Variants in TRMT11 observed in about 807,000 individuals in gnomAD.
The protein encoded by TRMT11 is tRNA methyltransferase 11, also known as tRNA (guanine(10)-N(2))-methyltransferase TRMT11.
Under a neutral mutation model 62.8 loss-of-function variants are expected in TRMT11, and 53 were observed. The ratio of observed to expected loss-of-function variants is 0.84; its 90% CI spans 0.68 to 1.06. TRMT11 has a LOEUF of 1.06. Among genes scored for constraint, TRMT11 ranks in the 50% least tolerant of loss-of-function variants. The pLI is 0.00. For missense variants in TRMT11, 556 were observed against 553.4 expected, an observed-to-expected ratio of 1.00 and a Z score of -0.05; for synonymous variants, 188 against 190.3, an observed-to-expected ratio of 0.99 and a Z score of 0.10.
chr6:126,057,564 A>C (rs2128120915), intron 17 of TRMT11, among the ~76,000 whole-genome samples: 1 of 152,340 alleles, frequency 6.6e-6, no homozygotes, highest in East Asian at 1.9e-4. Flanking sequence ...AGGAGAAATC[A>C]TTCTGTCCAA....
intron 1 of TRMT11, among the ~76,000 whole-genome samples, chr6:125,987,537 T>G (rs1789860108): frequency 6.6e-6 from 1 of 152,084 alleles, no homozygotes. Flanking sequence ...CAAAATTAAA[T>G]CAGTTTGACA....
At chr6:126,081,048 A>G (rs1401742777) in intron 17 of TRMT11, among the ~76,000 whole-genome samples, 1 of 152,194 alleles carries the variant, frequency 6.6e-6, no homozygotes, top group Admixed American at 6.5e-5. Flanking sequence ...CTTGAAATGT[A>G]CTGGGTGATA....
At chr6:126,213,672 T>C in the TRMT11 span, among the ~76,000 whole-genome samples, 1 of 152,012 alleles carries the variant, frequency 6.6e-6, no homozygotes, top group African/African-American at 2.4e-5. Context: ...TTTCCAAATG[T>C]GCAGACCTTA....
At chr6:126,233,049 T>C in the TRMT11 span, among the ~76,000 whole-genome samples, 4 of 152,318 alleles carry the variant, frequency 2.6e-5, no homozygotes, top group African/African-American at 9.6e-5. Flanking sequence ...TTTTTGTTTC[T>C]CTGAATAGAG....
the TRMT11 span, among the ~76,000 whole-genome samples, chr6:126,224,668 C>T: frequency 6.6e-6 from 1 of 152,198 alleles, no homozygotes; most frequent in Non-Finnish European, 1.5e-5. Flanking sequence ...CACACATGTG[C>T]GTGCCCTGGT....
At chr6:126,139,826 T>C (rs1777896377) in intron 21 of TRMT11, among the ~76,000 whole-genome samples, 1 of 152,158 alleles carries the variant, frequency 6.6e-6, no homozygotes, top group Non-Finnish European at 1.5e-5. Context: ...AATTCACAAG[T>C]TAATTTCTTA....
intron 16 of TRMT11, among the ~76,000 whole-genome samples, chr6:126,049,974 A>G (rs141109100): frequency 3.3e-4 from 51 of 152,280 alleles, no homozygotes; most frequent in African/African-American, 1.2e-3. Flanking sequence ...GATGGTGGGA[A>G]AGGACTTTGA....
chr6:126,101,586 T>G (rs1777402965), intron 17 of TRMT11, among the ~76,000 whole-genome samples: 1 of 152,188 alleles, frequency 6.6e-6, no homozygotes, highest in Non-Finnish European at 1.5e-5. Context: ...CTTCAGTTCT[T>G]AAAATAAATC....
intron 8 of TRMT11, among the ~76,000 whole-genome samples, chr6:126,009,599 A>G (rs1341505521): frequency 6.6e-6 from 1 of 151,882 alleles, no homozygotes; most frequent in Non-Finnish European, 1.5e-5. Context: ...TCTTTTGTGG[A>G]AGTAATTTGA....
intron 21 of TRMT11, among the ~76,000 whole-genome samples, chr6:126,117,169 A>G (rs1179898611): frequency 6.6e-6 from 1 of 152,064 alleles, no homozygotes; most frequent in Non-Finnish European, 1.5e-5. Context: ...ACTAGTAGCC[A>G]GTGTGTTGAG....
intron 2 of TRMT11, chr6:126,198,931 G>C (rs1017363377): frequency 1.3e-5 from 2 of 152,186 alleles, no homozygotes; most frequent in African/African-American, 4.8e-5. Flanking sequence ...ACCATGAAGG[G>C]AGCCTCCCCT....
chr6:126,087,607 A>G (rs891225886), intron 17 of TRMT11, among the ~76,000 whole-genome samples: 1 of 152,194 alleles, frequency 6.6e-6, no homozygotes, highest in Non-Finnish European at 1.5e-5. Flanking sequence ...AGAGGCTGTC[A>G]TTTTATCATG....
chr6:126,093,606 TATATATATATATATATA>T (rs1562321340), intron 17 of TRMT11, among the ~76,000 whole-genome samples: 2 of 89,340 alleles, frequency 2.2e-5, no homozygotes, highest in African/African-American at 1.3e-4. Context: ...TATATATATA[TATATATATATATATATA>T]TATATATATT....
chr6:125,998,496 C>T, intron 5 of TRMT11, 54 bp from the exon 6 acceptor site: 1 of 1,556,820 alleles, frequency 6.4e-7, no homozygotes, highest in Non-Finnish European at 8.7e-7. Context: ...AGATAAGCGC[C>T]ATTTTTCATT....
chr6:126,209,898 T>C, the TRMT11 span, among the ~76,000 whole-genome samples: 1 of 152,226 alleles, frequency 6.6e-6, no homozygotes, highest in Non-Finnish European at 1.5e-5. Context: ...TATTAAATAC[T>C]GGAATGCTTC....
At chr6:126,151,826 C>G (rs867241972) in intron 21 of TRMT11, among the ~76,000 whole-genome samples, 1,163 of 76,064 alleles carry the variant, frequency 0.015, 63 homozygotes, top group African/African-American at 0.072. Flanking sequence ...TTCTTTCTTT[C>G]TTTCTTTCTT....
intron 21 of TRMT11, among the ~76,000 whole-genome samples, chr6:126,133,177 A>T (rs1390047806): frequency 6.6e-6 from 1 of 152,014 alleles, no homozygotes; most frequent in African/African-American, 2.4e-5. Flanking sequence ...ACTAAACTTA[A>T]CTTAGAAAAA....
At chr6:126,016,556 T>G (rs1343119700) in intron 11 of TRMT11, among the ~76,000 whole-genome samples, 1 of 152,204 alleles carries the variant, frequency 6.6e-6, no homozygotes, top group Non-Finnish European at 1.5e-5. Flanking sequence ...TTAAACTGAA[T>G]GTATTTCTAA....
chr6:126,025,574 T>C (rs1772902919), intron 12 of TRMT11, among the ~76,000 whole-genome samples: 1 of 152,212 alleles, frequency 6.6e-6, no homozygotes, highest in Non-Finnish European at 1.5e-5. Context: ...TTAATCATGT[T>C]TGGTTTTTAA....
Sources: allele counts gnomAD v4.1 joint callset (sites outside exome capture counted in the v4.1 genomes callset), GRCh38; gene constraint gnomAD v4.1.1; transcripts MANE v1.5; gene names NCBI Gene and HGNC (gene_info 2026-07-23, HGNC 2026-07-21).